The following CILK1 variants were observed in gnomAD, a reference collection of about 807,000 sequenced individuals.
CILK1 encodes the protein ciliogenesis associated kinase 1.
CILK1 carries 47 observed loss-of-function variants against 79.2 expected under a neutral mutation model. That is an observed-to-expected ratio of 0.59 (90% CI 0.47 to 0.76). The LOEUF (loss-of-function observed/expected upper bound fraction) is 0.76, where lower values mean the gene tolerates loss of function less well. Ranked by LOEUF, CILK1 falls within the 30% of genes least tolerant of loss-of-function variation. The pLI, the probability that CILK1 is intolerant of heterozygous loss-of-function variation, is 0.00. For synonymous variants in CILK1, 266 were observed against 275.9 expected (o/e 0.96, Z 0.36); for missense variants, 660 against 769.5 (o/e 0.86, Z 1.68).
intron 5 of CILK1, among the ~76,000 whole-genome samples, chr6:53,025,073 T>C (rs1765488243): frequency 6.6e-6 from 1 of 152,126 alleles, no homozygotes; most frequent in South Asian, 2.1e-4. Context: ...CCTCAAGTGA[T>C]TCACCCGTCT....
At chr6:53,009,776 T>C (rs1389008529) in intron 11 of CILK1, among the ~76,000 whole-genome samples, 2 of 152,192 alleles carry the variant, frequency 1.3e-5, no homozygotes, top group African/African-American at 2.4e-5. Flanking sequence ...CTCTTATGCT[T>C]CTAAGATCCA....
Position 53,018,458 on chromosome 6 carries a change from A to C in CILK1, c.535T>G (p.Ser179Ala), listed in dbSNP as rs761071522. The C allele has an allele frequency of 1.9e-6, 3 of 1,613,992 alleles. No homozygotes were observed. The African/African-American group carries it at 4.0e-5, about 22-fold the overall frequency. ...CCCACCGCCCAGACGTCAATGGGGG[A>C]GCTGTAGTTGGTAGACCTCAGGAGT... ...EVLLRSTNYS[S>A]PIDVWAVGCI... Residue 179 changes from serine to alanine, a missense_variant, in exon 7 of 14, where the codon TCC becomes GCC. By Grantham distance (99) the Ser-to-Ala change is moderately conservative. Coordinates refer to ENST00000676107, the MANE Select transcript of CILK1 (RefSeq NM_014920.5).
At chr6:53,028,517 A>C (rs746228292) in intron 5 of CILK1, among the ~76,000 whole-genome samples, 3 of 152,136 alleles carry the variant, frequency 2.0e-5, no homozygotes, top group Non-Finnish European at 4.4e-5. Flanking sequence ...TTTTTTGTAA[A>C]GACTAGATAA....
In CILK1 at chr6:53,018,829, GA is replaced by G. The variant is rs201681334; in HGVS notation, c.492-329del. ...AACTAAGAGAGAAAGGAAGAGGGAG[GA>G]AAAAACCTACAACTTGTGTGTAGAC... is the stretch of plus-strand genomic sequence containing the variant. On this transcript the variant is annotated intron_variant, in intron 6 of 13. Coordinates refer to ENST00000676107, the MANE Select transcript of CILK1 (RefSeq NM_014920.5). 3.2e-4 allele frequency among the ~76,000 whole-genome samples: 48 copies of G among 152,234 alleles called. 1 individual carries two copies. In the East Asian group the frequency reaches 8.7e-3, roughly 28 times the overall value.
chr6:53,047,427 C>T (rs1243248097), intron 1 of CILK1, among the ~76,000 whole-genome samples: 2 of 150,876 alleles, frequency 1.3e-5, no homozygotes, highest in Admixed American at 1.3e-4. Flanking sequence ...ACCTCAGCCT[C>T]CCAAGTAGCT....
At chr6:53,031,714 C>A (rs1765973514) in intron 4 of CILK1, among the ~76,000 whole-genome samples, 1 of 152,196 alleles carries the variant, frequency 6.6e-6, no homozygotes, top group Non-Finnish European at 1.5e-5. Context: ...AACTTTTCAA[C>A]AGAGGTCTCA....
intron 1 of CILK1, among the ~76,000 whole-genome samples, chr6:53,051,188 T>C (rs1156667419): frequency 6.6e-6 from 1 of 152,236 alleles, no homozygotes; most frequent in Non-Finnish European, 1.5e-5. Flanking sequence ...GGGCCACCAA[T>C]TTCTAAACTA....
chr6:53,025,699 T>C (rs1269303012), intron 5 of CILK1, among the ~76,000 whole-genome samples: 1 of 152,214 alleles, frequency 6.6e-6, no homozygotes, highest in Non-Finnish European at 1.5e-5. Flanking sequence ...AAATGACTGA[T>C]GAAAAACTGT....
At chr6:53,007,958 A>AAAAT (rs1193156785) in intron 12 of CILK1, among the ~76,000 whole-genome samples, 2 of 150,848 alleles carry the variant, frequency 1.3e-5, no homozygotes, top group Non-Finnish European at 1.5e-5. Context: ...TAAATAAATA[A>AAAAT]AAATAAATAA....
intron 5 of CILK1, among the ~76,000 whole-genome samples, chr6:53,027,574 A>G (rs2127432989): frequency 6.6e-6 from 1 of 152,364 alleles, no homozygotes; most frequent in Middle Eastern, 3.4e-3. Flanking sequence ...TGAAATTTAC[A>G]TGACTAATCT....
At chr6:53,056,214 T>C (rs1767857899) in intron 1 of CILK1, among the ~76,000 whole-genome samples, 1 of 152,220 alleles carries the variant, frequency 6.6e-6, no homozygotes. Flanking sequence ...TACAACACAT[T>C]TGACTAAGGA....
chr6:53,005,408 A>G, intron 13 of CILK1, 105 bp from the exon 14 acceptor site: 1 of 1,245,222 alleles, frequency 8.0e-7, no homozygotes, highest in South Asian at 1.3e-5. Context: ...AAGGAGTTCA[A>G]GAGGAGCATC....
intron 12 of CILK1, 124 bp downstream of exon 12, chr6:53,009,315 C>T: frequency 1.1e-6 from 1 of 924,326 alleles, no homozygotes. Context: ...GGAAAAGAGG[C>T]CTGAGCTTTC....
In CILK1 at chr6:53,019,238, T is replaced by C. The variant is rs761515487; in HGVS notation, c.480A>G (p.Val160=). The change falls in exon 6 of 14, where the codon GTA becomes GTG. Residue 160 remains valine, a synonymous_variant. Transcript: ENST00000676107. ...AAAATGGTATTCACCATCTGGTAGA[T>C]ACATAATCTGTATATGGAGGTTTTG... ...IRSKPPYTDY[V]STRWYRAPEV... 6 of 1,613,934 alleles carry C rather than the reference T, an allele frequency of 3.7e-6. No individual in the cohort carries two copies. Among genetic ancestry groups the C allele is most frequent in the Non-Finnish European group, 4.2e-6 (5 of 1,179,772 alleles).
intron 5 of CILK1, among the ~76,000 whole-genome samples, chr6:53,021,875 G>A (rs1340749532): frequency 6.6e-6 from 1 of 152,024 alleles, no homozygotes; most frequent in African/African-American, 2.4e-5. Context: ...TGTTATCATG[G>A]GAGATGACAG....
chr6:53,010,039 G>T (rs1241470686), intron 11 of CILK1, among the ~76,000 whole-genome samples: 4 of 152,116 alleles, frequency 2.6e-5, no homozygotes, highest in Admixed American at 2.0e-4. Flanking sequence ...TTTCAGAACT[G>T]AAAGTTTAAA....
At chr6:53,030,645 T>C (rs977114190) in intron 5 of CILK1, among the ~76,000 whole-genome samples, 7 of 152,218 alleles carry the variant, frequency 4.6e-5, no homozygotes, top group Non-Finnish European at 7.3e-5. Context: ...TCGCATACAT[T>C]TTGTTAGACT....
At chr6:53,046,998 G>C (rs1389341793) in intron 1 of CILK1, among the ~76,000 whole-genome samples, 1 of 152,222 alleles carries the variant, frequency 6.6e-6, no homozygotes, top group Non-Finnish European at 1.5e-5. Context: ...CAAGAGCTTG[G>C]TGTGTTCACA....
At chr6:53,055,634 A>G (rs1767801952) in intron 1 of CILK1, among the ~76,000 whole-genome samples, 1 of 152,012 alleles carries the variant, frequency 6.6e-6, no homozygotes, top group South Asian at 2.1e-4. Flanking sequence ...TACCTTTACC[A>G]TCCCTCTCCT....
Sources: gnomAD v4.1 joint callset for allele counts (sites outside exome capture counted in the v4.1 genomes callset) on GRCh38, gnomAD v4.1.1 for gene constraint, MANE v1.5 for transcripts, NCBI Gene and HGNC (gene_info 2026-07-23, HGNC 2026-07-21) for gene names.